Variants in SNX4 observed in about 807,000 individuals in gnomAD.
SNX4 encodes the protein sorting nexin 4.
A neutral mutation model predicts 70.8 loss-of-function variants in SNX4; 49 were observed. That is an observed-to-expected ratio of 0.69 (90% confidence interval 0.55 to 0.88). The LOEUF (loss-of-function observed/expected upper bound fraction) is 0.88. Among genes scored for constraint, SNX4 ranks in the 40% least tolerant of loss-of-function variants. SNX4 has a pLI of 0.00. For missense variants in SNX4, 528 were observed against 544.8 expected (o/e 0.97, Z 0.31); for synonymous variants, 206 against 183.8 (o/e 1.12, Z -0.98).
At chr3:125,462,593 C>CAAAAAAA (rs34157775) in intron 9 of SNX4, among the ~76,000 whole-genome samples, 1 of 48,254 alleles carries the variant, frequency 2.1e-5, no homozygotes, top group Non-Finnish European at 3.9e-5. Flanking sequence ...TCTGTCTCAC[C>CAAAAAAA]AAAAAAAAAA....
At chr3:125,519,980 CCCGCTAG>C in intron 1 of SNX4, 45 bp downstream of exon 1, 2 of 1,458,518 alleles carry the variant, frequency 1.4e-6, no homozygotes, top group Non-Finnish European at 1.8e-6. Context: ...CCCAGCCCGG[CCCGCTAG>C]GCCACCACAC....
intron 1 of SNX4, among the ~76,000 whole-genome samples, chr3:125,505,852 TAAG>T (rs1427782544): frequency 6.6e-6 from 1 of 152,144 alleles, no homozygotes; most frequent in Non-Finnish European, 1.5e-5. Flanking sequence ...TCCTAACTAC[TAAG>T]GAGGCTGAGG....
intron 2 of SNX4, 130 bp downstream of exon 2, chr3:125,504,493 T>TAAAGAAA (rs2107565490): frequency 2.2e-6 from 2 of 891,436 alleles, no homozygotes; most frequent in Non-Finnish European, 3.4e-6. Context: ...CAAAAAAAAG[T>TAAAGAAA]AAAGAAACAA....
intron 5 of SNX4, among the ~76,000 whole-genome samples, chr3:125,492,166 A>T (rs1048656679): frequency 1.3e-5 from 2 of 151,198 alleles, no homozygotes; most frequent in African/African-American, 4.9e-5. Flanking sequence ...CACAGTGTGA[A>T]GGTGGCCCTT....
intron 2 of SNX4, among the ~76,000 whole-genome samples, chr3:125,502,381 T>C (rs1934947898): frequency 6.6e-6 from 1 of 151,994 alleles, no homozygotes; most frequent in Non-Finnish European, 1.5e-5. Context: ...TTTTCTCTCT[T>C]TTTCTTTCTT....
chr3:125,489,357 G>C (rs1934601249), intron 6 of SNX4, 51 bp downstream of exon 6: 2 of 1,321,482 alleles, frequency 1.5e-6, no homozygotes, highest in Non-Finnish European at 2.2e-6. Flanking sequence ...TAAATAGATT[G>C]ATAGCACCAT....
chr3:125,479,719 AT>A (rs1223865831), intron 7 of SNX4, among the ~76,000 whole-genome samples: 1 of 152,082 alleles, frequency 6.6e-6, no homozygotes, highest in Non-Finnish European at 1.5e-5. Flanking sequence ...CGGATGGTAC[AT>A]TTTCCAGGTA....
chr3:125,464,751 T>G (rs1392445891), intron 9 of SNX4, among the ~76,000 whole-genome samples: 1 of 151,778 alleles, frequency 6.6e-6, no homozygotes, highest in Non-Finnish European at 1.5e-5. Context: ...TTTGTAGTTT[T>G]GGTTTTTTTG....
intron 13 of SNX4, among the ~76,000 whole-genome samples, chr3:125,448,419 G>A (rs1035833389): frequency 2.0e-5 from 3 of 151,744 alleles, no homozygotes; most frequent in African/African-American, 7.3e-5. Context: ...ACAGGTGTGA[G>A]CCACAGTGCC....
intron 2 of SNX4, among the ~76,000 whole-genome samples, chr3:125,502,924 T>TTTTTC (rs1553728438): frequency 7.6e-4 from 109 of 143,518 alleles, no homozygotes; most frequent in African/African-American, 1.6e-3. Context: ...GTAGTTTTTT[T>TTTTTC]TTTTTTTCTT....
intron 10 of SNX4, among the ~76,000 whole-genome samples, chr3:125,460,198 CAAA>C (rs57601494): frequency 9.3e-5 from 6 of 64,676 alleles, no homozygotes; most frequent in African/African-American, 1.4e-4. Flanking sequence ...TAGTCTGTCT[CAAA>C]AAAAAAAAAA....
intron 1 of SNX4, among the ~76,000 whole-genome samples, chr3:125,508,454 C>G (rs1279034351): frequency 1.5e-5 from 2 of 135,642 alleles, no homozygotes; most frequent in African/African-American, 5.1e-5. Flanking sequence ...GTAGTCCCAA[C>G]CACTCAGGAG....
intron 6 of SNX4, among the ~76,000 whole-genome samples, chr3:125,487,668 T>C (rs1040568658): frequency 2.0e-5 from 3 of 151,444 alleles, no homozygotes; most frequent in African/African-American, 4.9e-5. Context: ...GTTAGTATAA[T>C]ACTTATAAAA....
intron 8 of SNX4, among the ~76,000 whole-genome samples, chr3:125,471,419 G>T (rs1311323614): frequency 1.6e-5 from 2 of 128,894 alleles, no homozygotes; most frequent in Admixed American, 8.5e-5. Context: ...AAAAATTATA[G>T]AATTATTAAA....
intron 12 of SNX4, among the ~76,000 whole-genome samples, chr3:125,452,508 G>T (rs1363038239): frequency 6.6e-6 from 1 of 152,132 alleles, no homozygotes; most frequent in African/African-American, 2.4e-5. Flanking sequence ...CTTGAGCCCT[G>T]GACTTTGAGG....
chr3:125,520,181 T>C lies in SNX4; in HGVS notation c.-9A>G. On this transcript the variant is annotated 5_prime_UTR_variant, in exon 1 of 14. Transcript: ENST00000251775. ...GGAGGTGCCTGCTCCATGGCTGCAG[T>C]TCGGCGCGGCGAACCCAGTGCGCCT... is the stretch of plus-strand genomic sequence containing the variant. 3.7e-6 allele frequency: 5 copies of C among 1,345,590 alleles called. No homozygotes were observed. Among genetic ancestry groups the C allele is most frequent in the Middle Eastern group, 2.8e-4 (1 of 3,568 alleles). 83.4% of individuals were successfully genotyped at this position (1,345,590 alleles called of 1,614,324 possible).
At chr3:125,468,915 T>C (rs1180909075) in intron 9 of SNX4, among the ~76,000 whole-genome samples, 1 of 152,102 alleles carries the variant, frequency 6.6e-6, no homozygotes, top group Admixed American at 6.6e-5. Context: ...TTGTTTATGG[T>C]TTTCTGTGTA....
chr3:125,490,623 T>C (rs929423196), intron 5 of SNX4, among the ~76,000 whole-genome samples: 1 of 150,242 alleles, frequency 6.7e-6, no homozygotes, highest in South Asian at 2.1e-4. Context: ...TAGCAGAAAA[T>C]GTTGTAAGAC....
At chr3:125,494,548 TA>T (rs1213916525) in intron 5 of SNX4, among the ~76,000 whole-genome samples, 1 of 152,238 alleles carries the variant, frequency 6.6e-6, no homozygotes, top group African/African-American at 2.4e-5. Context: ...TTTTAGATTC[TA>T]AAAAAAGTTT....
Sources: allele counts gnomAD v4.1 joint callset (sites outside exome capture counted in the v4.1 genomes callset), GRCh38; gene constraint gnomAD v4.1.1; transcripts MANE v1.5; gene names NCBI Gene and HGNC (gene_info 2026-07-23, HGNC 2026-07-21).